DST: variants seen among roughly 807,000 people sequenced by gnomAD.
DST encodes bullous pemphigoid antigen.
Under a neutral mutation model 875.2 loss-of-function variants are expected in DST, and 253 were observed. The ratio of observed to expected loss-of-function variants is 0.29; its 90% CI spans 0.26 to 0.32. The LOEUF (loss-of-function observed/expected upper bound fraction) is 0.32. Among genes scored for constraint, DST ranks in the 10% least tolerant of loss-of-function variants. The pLI is 1.00. For synonymous variants in DST, 3,124 were observed against 3,197.1 expected (o/e 0.98, Z 0.77); for missense variants, 8,287 against 9,111.6 (o/e 0.91, Z 3.68).
intron 4 of DST, among the ~76,000 whole-genome samples, chr6:56,813,826 T>C (rs978654509): frequency 6.6e-6 from 1 of 152,166 alleles, no homozygotes; most frequent in African/African-American, 2.4e-5. Context: ...ATTTTTCTAA[T>C]CCATTATACT....
At chr6:56,871,796 G>C in intron 3 of DST, 1 of 280,930 alleles carries the variant, frequency 3.6e-6, no homozygotes, top group Non-Finnish European at 6.5e-6. Context: ...AAAAAAAAAA[G>C]AAAAAGAAAA....
intron 4 of DST, among the ~76,000 whole-genome samples, chr6:56,803,375 A>G (rs944977649): frequency 6.6e-6 from 1 of 152,128 alleles, no homozygotes; most frequent in African/African-American, 2.4e-5. Flanking sequence ...CTTAATATCT[A>G]TCATAGTGAC....
At chr6:56,900,071 G>A (rs888484972) in intron 3 of DST, among the ~76,000 whole-genome samples, 2 of 152,154 alleles carry the variant, frequency 1.3e-5, no homozygotes, top group Non-Finnish European at 2.9e-5. Flanking sequence ...CACTGGTTTT[G>A]TTGTCATCCT....
chr6:56,836,624 G>A (rs534685877), intron 4 of DST, among the ~76,000 whole-genome samples: 1 of 152,080 alleles, frequency 6.6e-6, no homozygotes, highest in South Asian at 2.1e-4. Context: ...GCCGAGGCGG[G>A]CGGATCACGA....
chr6:56,461,912 C>T (rs929666355), intron 102 of DST: 13 of 152,146 alleles, frequency 8.5e-5, no homozygotes, highest in Middle Eastern at 3.2e-3. Flanking sequence ...AATGAGGAAA[C>T]GCTAAAGAAT....
intron 69 of DST, among the ~76,000 whole-genome samples, chr6:56,524,788 TATAA>T (rs2096768135): frequency 6.6e-6 from 1 of 152,148 alleles, no homozygotes; most frequent in Non-Finnish European, 1.5e-5. Flanking sequence ...GATTTTACTA[TATAA>T]ATTCTCCTCC....
intron 10 of DST, among the ~76,000 whole-genome samples, chr6:56,664,587 T>C (rs1429755050): frequency 6.6e-6 from 1 of 152,190 alleles, no homozygotes; most frequent in Admixed American, 6.5e-5. Flanking sequence ...TTAATTCTAC[T>C]TTATCCTCTC....
intron 5 of DST, among the ~76,000 whole-genome samples, chr6:56,705,359 T>C (rs748460002): frequency 2.0e-5 from 3 of 152,178 alleles, no homozygotes; most frequent in Non-Finnish European, 1.5e-5. Flanking sequence ...TCCAACTCCT[T>C]TGCACTTCCA....
At chr6:56,520,909 A>C (rs554403932) in intron 69 of DST, among the ~76,000 whole-genome samples, 1 of 152,156 alleles carries the variant, frequency 6.6e-6, no homozygotes, top group Middle Eastern at 3.4e-3. Context: ...GTGGGGTATA[A>C]TTTATTTTTT....
intron 82 of DST, among the ~76,000 whole-genome samples, chr6:56,495,187 T>C (rs919298771): frequency 3.0e-4 from 46 of 151,974 alleles, no homozygotes; most frequent in African/African-American, 1.0e-3. Context: ...CTTTCAGATA[T>C]AGCTAAAAAC....
At chr6:56,682,711 C>T (rs2099162735) in intron 9 of DST, among the ~76,000 whole-genome samples, 2 of 152,208 alleles carry the variant, frequency 1.3e-5, no homozygotes, top group Non-Finnish European at 2.9e-5. Context: ...TGTCACCAGA[C>T]ATATGCCTGC....
chr6:56,582,392 C>G (rs896405397), intron 49 of DST, among the ~76,000 whole-genome samples: 2 of 151,990 alleles, frequency 1.3e-5, no homozygotes, highest in Non-Finnish European at 2.9e-5. Flanking sequence ...CCCACCTCCC[C>G]ACCTCTCTCC....
chr6:56,668,555 G>A (rs919565208), intron 10 of DST, among the ~76,000 whole-genome samples: 61 of 151,940 alleles, frequency 4.0e-4, no homozygotes, highest in African/African-American at 1.3e-3. Flanking sequence ...CAGCCTGGCT[G>A]ACATGGTGAA....
At chr6:56,836,626 G>A (rs888318806) in intron 4 of DST, among the ~76,000 whole-genome samples, 1 of 151,780 alleles carries the variant, frequency 6.6e-6, no homozygotes, top group African/African-American at 2.4e-5. Flanking sequence ...CGAGGCGGGC[G>A]GATCACGAGG....
At position 56,797,112 on chromosome 6, in the gene DST, CT is replaced by C. The variant is rs1281509153; in HGVS notation, c.625+54284del. On this transcript the variant is annotated intron_variant, in intron 4 of 103. Coordinates refer to ENST00000680361, the MANE Select transcript of DST (RefSeq NM_001374736.1). ...TTTGGTAATTCTCACAATATTCAAA[CT>C]TTTTCATTATCATTATATCTGTTAT... 2.0e-5 allele frequency among the ~76,000 whole-genome samples: 3 copies of C among 152,140 alleles called. No homozygotes were observed. The East Asian group carries it at 5.8e-4, about 29-fold the overall frequency.
At chr6:56,579,180 A>G (rs1051757893) in intron 49 of DST, among the ~76,000 whole-genome samples, 1 of 152,188 alleles carries the variant, frequency 6.6e-6, no homozygotes, top group African/African-American at 2.4e-5. Flanking sequence ...CTTTGAGCAT[A>G]TGTTCATAAT....
intron 5 of DST, among the ~76,000 whole-genome samples, chr6:56,732,285 C>G (rs2099502565): frequency 6.6e-6 from 1 of 151,836 alleles, no homozygotes; most frequent in African/African-American, 2.4e-5. Flanking sequence ...ACAATTTGGC[C>G]TAAACAGCCA....
chr6:56,677,505 A>G (rs1446406113), intron 9 of DST, among the ~76,000 whole-genome samples: 2 of 152,114 alleles, frequency 1.3e-5, no homozygotes, highest in Non-Finnish European at 1.5e-5. Context: ...TTTCTGTGAG[A>G]CAGGGGTCTC....
chr6:56,491,667 ATCTG>A (rs2095748581), intron 85 of DST, among the ~76,000 whole-genome samples: 1 of 152,188 alleles, frequency 6.6e-6, no homozygotes, highest in Non-Finnish European at 1.5e-5. Flanking sequence ...GAGCTCTATT[ATCTG>A]CTCAAAATAT....
Sources: allele counts gnomAD v4.1 joint callset (sites outside exome capture counted in the v4.1 genomes callset), GRCh38; gene constraint gnomAD v4.1.1; transcripts MANE v1.5; gene names NCBI Gene and HGNC (gene_info 2026-07-23, HGNC 2026-07-21).